MYO1H: variants seen among roughly 807,000 people sequenced by gnomAD.
MYO1H encodes myosin IH, also known as unconventional myosin-Ih.
In MYO1H, 118 loss-of-function variants were observed where a neutral mutation model predicts 149.3. The ratio of observed to expected loss-of-function variants is 0.79; its 90% confidence interval spans 0.68 to 0.92. MYO1H has a LOEUF of 0.92. MYO1H is among the 40% of genes least tolerant of loss of function. The pLI is 0.00. For missense variants in MYO1H, 1,212 were observed against 1,280.7 expected (o/e 0.95, Z 0.82); for synonymous variants, 447 against 465.2 (o/e 0.96, Z 0.50).
intron 1 of MYO1H, among the ~76,000 whole-genome samples, chr12:109,366,126 T>G (rs1481407427): frequency 6.6e-6 from 1 of 152,208 alleles, no homozygotes. Context: ...AACCAGTCCC[T>G]GGTGACAAAA....
chr12:109,340,029 A>G, the MYO1H span, among the ~76,000 whole-genome samples: 6 of 152,184 alleles, frequency 3.9e-5, no homozygotes, highest in African/African-American at 1.4e-4. Flanking sequence ...TGTTTATAGT[A>G]TTAATAGCAA....
At chr12:109,441,978 C>T (rs1056294007) in intron 26 of MYO1H, among the ~76,000 whole-genome samples, 1 of 152,032 alleles carries the variant, frequency 6.6e-6, no homozygotes, top group South Asian at 2.1e-4. Context: ...ACCCAGGAGG[C>T]GGAGGACGCA....
chr12:109,401,254 G>C (rs1233856493), exon 6 of MYO1H: 1 of 1,612,248 alleles, frequency 6.2e-7, no homozygotes, highest in Non-Finnish European at 8.5e-7. Flanking sequence ...ACCCCCAGCT[G>C]TATAAATACC....
chr12:109,426,055 A>G lies in MYO1H; in HGVS notation c.1831+4A>G. ...CCCAACGACAGGAAAGAACCCAGTG[A>G]GTTGTGGATCATTATGAACTGGGCT... On this transcript the variant is annotated splice_donor_region_variant and intron_variant, in intron 18 of 31. Coordinates refer to ENST00000310903, the Ensembl canonical transcript of MYO1H. 6.2e-7 allele frequency: 1 copy of G among 1,606,808 alleles called. No individual in the cohort carries two copies.
At chr12:109,338,894 T>A in the MYO1H span, among the ~76,000 whole-genome samples, 1 of 152,108 alleles carries the variant, frequency 6.6e-6, no homozygotes, top group African/African-American at 2.4e-5. Context: ...TTTCTTGAAG[T>A]GAATTGATAA....
intron 2 of MYO1H, among the ~76,000 whole-genome samples, chr12:109,392,338 G>A (rs545981172): frequency 2.8e-4 from 42 of 152,304 alleles, no homozygotes; most frequent in Middle Eastern, 3.4e-3. Context: ...CCTGCCTCAT[G>A]TATCCCTTCA....
intron 1 of MYO1H, among the ~76,000 whole-genome samples, chr12:109,375,787 G>C (rs1869075628): frequency 6.6e-6 from 1 of 152,030 alleles, no homozygotes; most frequent in Non-Finnish European, 1.5e-5. Flanking sequence ...AGACAAGCCT[G>C]GGCAATATGG....
chr12:109,397,722 G>C lies in MYO1H; in HGVS notation c.490-10G>C. ...CTTAAATGACAGTGAATGACACTTT[G>C]TATTCCAAGGCTTTTGGAAATGCCA... On this transcript the variant is annotated splice_polypyrimidine_tract_variant and intron_variant, in intron 4 of 31. Transcript: ENST00000310903. The C allele has an allele frequency of 1.2e-6, 2 of 1,606,694 alleles. No homozygotes were observed. Among genetic ancestry groups the C allele is most frequent in the Non-Finnish European group, 1.7e-6 (2 of 1,176,362 alleles).
intron 22 of MYO1H, 141 bp from the exon 23 acceptor site, chr12:109,438,395 C>G (rs1347929739): frequency 1.5e-6 from 1 of 688,272 alleles, no homozygotes; most frequent in African/African-American, 1.8e-5. Flanking sequence ...TGACATTCAT[C>G]CGACCTTCCA....
At chr12:109,392,951 A>C (rs1230140574) in intron 2 of MYO1H, among the ~76,000 whole-genome samples, 1 of 151,714 alleles carries the variant, frequency 6.6e-6, no homozygotes, top group South Asian at 2.1e-4. Context: ...CTGGGACTAC[A>C]GGCATGCACC....
the MYO1H span, among the ~76,000 whole-genome samples, chr12:109,334,215 T>G: frequency 2.0e-5 from 3 of 152,032 alleles, no homozygotes; most frequent in Non-Finnish European, 4.4e-5. Context: ...GATGGGGTTT[T>G]GCCGTGTTGG....
intron 20 of MYO1H, among the ~76,000 whole-genome samples, chr12:109,433,669 C>T (rs956367441): frequency 5.9e-5 from 9 of 152,232 alleles, no homozygotes; most frequent in Admixed American, 2.0e-4. Flanking sequence ...CTCCTAACTC[C>T]CACTTGTACA....
intron 18 of MYO1H, among the ~76,000 whole-genome samples, chr12:109,426,259 G>A (rs1056052811): frequency 2.0e-5 from 3 of 152,158 alleles, no homozygotes. Context: ...TGAGGCAGGC[G>A]GATCACTTGA....
intron 13 of MYO1H, among the ~76,000 whole-genome samples, chr12:109,411,182 T>C (rs972508535): frequency 6.6e-6 from 1 of 152,070 alleles, no homozygotes; most frequent in Non-Finnish European, 1.5e-5. Context: ...TGAGCCAGGG[T>C]GGTCTCTAAC....
At chr12:109,341,160 G>A in the MYO1H span, among the ~76,000 whole-genome samples, 1 of 134,536 alleles carries the variant, frequency 7.4e-6, no homozygotes, top group African/African-American at 2.9e-5. Flanking sequence ...TTGCACTCTA[G>A]CCTGGGTGAC....
intron 7 of MYO1H, among the ~76,000 whole-genome samples, chr12:109,405,227 AGATG>A (rs1566029889): frequency 1.3e-5 from 2 of 152,134 alleles, no homozygotes; most frequent in East Asian, 3.8e-4. Context: ...AAAAAAAGAT[AGATG>A]GATGGATAGA....
chr12:109,403,056 C>T (rs1870230945), intron 6 of MYO1H, among the ~76,000 whole-genome samples: 1 of 152,206 alleles, frequency 6.6e-6, no homozygotes, highest in Non-Finnish European at 1.5e-5. Flanking sequence ...TATGGCTTCA[C>T]TCTGCAGTAT....
the MYO1H span, among the ~76,000 whole-genome samples, chr12:109,338,764 T>G: frequency 3.9e-5 from 2 of 51,118 alleles, no homozygotes; most frequent in African/African-American, 1.8e-4. Flanking sequence ...AGACTCCATC[T>G]CAAAAAAAAA....
chr12:109,439,476 G>A (rs917147336), intron 23 of MYO1H, 155 bp from the exon 24 acceptor site: 18 of 307,886 alleles, frequency 5.8e-5, no homozygotes, highest in Admixed American at 1.7e-4. Flanking sequence ...GGGTGAAATC[G>A]AACATATATG....
Sources: gnomAD v4.1 joint callset for allele counts (sites outside exome capture counted in the v4.1 genomes callset) on GRCh38, gnomAD v4.1.1 for gene constraint, MANE v1.5 for transcripts, NCBI Gene and HGNC (gene_info 2026-07-23, HGNC 2026-07-21) for gene names.